The following TANGO6 variants were observed in gnomAD, a reference collection of about 807,000 sequenced individuals.
TANGO6 encodes transport and Golgi organization protein 6 homolog.
A neutral mutation model predicts 114.2 loss-of-function variants in TANGO6; 90 were observed. The ratio of observed to expected loss-of-function variants is 0.79; its 90% confidence interval spans 0.66 to 0.94. The LOEUF (loss-of-function observed/expected upper bound fraction) is 0.94, where lower values mean the gene tolerates loss of function less well. TANGO6 is among the 40% of genes least tolerant of loss of function. The pLI is 0.00. For synonymous variants in TANGO6, 477 were observed against 509.8 expected (o/e 0.94, Z 0.87); for missense variants, 1,274 against 1,315.3 (o/e 0.97, Z 0.49).
At chr16:68,874,346 C>T (rs1352661269) in intron 4 of TANGO6, among the ~76,000 whole-genome samples, 1 of 152,300 alleles carries the variant, frequency 6.6e-6, no homozygotes, top group East Asian at 1.9e-4. Flanking sequence ...CGAGGGCAGT[C>T]GTCAAGCTCA....
intron 15 of TANGO6, among the ~76,000 whole-genome samples, chr16:69,001,154 A>T (rs1201006035): frequency 6.6e-6 from 1 of 152,196 alleles, no homozygotes; most frequent in Non-Finnish European, 1.5e-5. Context: ...AGAGCCTAGG[A>T]TACAGGACAG....
intron 15 of TANGO6, among the ~76,000 whole-genome samples, chr16:69,011,341 T>C (rs1341478320): frequency 6.6e-6 from 1 of 152,194 alleles, no homozygotes; most frequent in Non-Finnish European, 1.5e-5. Context: ...AGTGGAATTC[T>C]TTTTCTTACT....
chr16:68,962,587 C>T (rs185046587), intron 14 of TANGO6, among the ~76,000 whole-genome samples: 3 of 152,164 alleles, frequency 2.0e-5, no homozygotes, highest in African/African-American at 7.2e-5. Flanking sequence ...CATGAAGAAA[C>T]CTTTTCTTTA....
chr16:68,857,590 G>T (rs1962018130), intron 1 of TANGO6, among the ~76,000 whole-genome samples: 1 of 152,102 alleles, frequency 6.6e-6, no homozygotes, highest in South Asian at 2.1e-4. Flanking sequence ...GTAAGAAACT[G>T]CCAAACTGTC....
At chr16:69,037,517 AG>A (rs1959708363) in intron 16 of TANGO6, among the ~76,000 whole-genome samples, 2 of 152,258 alleles carry the variant, frequency 1.3e-5, no homozygotes, top group Non-Finnish European at 2.9e-5. Context: ...AGAGGGACTC[AG>A]ACCTATCTCT....
chr16:68,943,646 T>G (rs970008655), intron 14 of TANGO6, among the ~76,000 whole-genome samples: 1 of 152,162 alleles, frequency 6.6e-6, no homozygotes, highest in African/African-American at 2.4e-5. Flanking sequence ...ATTACAGGCG[T>G]GAGCCACCGC....
intron 14 of TANGO6, among the ~76,000 whole-genome samples, chr16:68,959,054 A>T (rs1157385032): frequency 6.6e-6 from 1 of 152,232 alleles, no homozygotes; most frequent in African/African-American, 2.4e-5. Flanking sequence ...ATTAGGTTGG[A>T]TAACTCCCTG....
intron 17 of TANGO6, among the ~76,000 whole-genome samples, chr16:69,069,651 T>C (rs1316515952): frequency 6.6e-6 from 1 of 152,176 alleles, no homozygotes; most frequent in Non-Finnish European, 1.5e-5. Flanking sequence ...CCTCTGTTTT[T>C]GTCTTTGTGC....
intron 1 of TANGO6, among the ~76,000 whole-genome samples, chr16:68,852,702 A>G (rs1302475342): frequency 6.6e-6 from 1 of 152,044 alleles, no homozygotes; most frequent in Admixed American, 6.6e-5. Context: ...GTGGGGTGGT[A>G]TGCAACTGTG....
At position 68,843,722 on chromosome 16, in the gene TANGO6, G is replaced by A. The variant is rs375523510; in HGVS notation, c.94+11G>A. ...TGCTGAGCCCGGGAGGTGAGAGGAC[G>A]CATCTCCGCGCCGGGCTGGACCCGG... On this transcript the variant is annotated intron_variant, in intron 1 of 17. Coordinates refer to ENST00000261778, the MANE Select transcript of TANGO6 (RefSeq NM_024562.2). The A allele has an allele frequency of 4.5e-5, 72 of 1,612,282 alleles. No homozygotes were observed. Among genetic ancestry groups the A allele is most frequent in the Admixed American group, 1.0e-4 (6 of 59,970 alleles).
At chr16:69,004,207 A>G (rs1160601642) in intron 15 of TANGO6, among the ~76,000 whole-genome samples, 1 of 152,196 alleles carries the variant, frequency 6.6e-6, no homozygotes, top group African/African-American at 2.4e-5. Flanking sequence ...AATATATAAC[A>G]TAATAAATGT....
intron 1 of TANGO6, among the ~76,000 whole-genome samples, chr16:68,859,633 A>T (rs1962056275): frequency 6.6e-6 from 1 of 152,228 alleles, no homozygotes; most frequent in Non-Finnish European, 1.5e-5. Flanking sequence ...CATGTGGGGA[A>T]TAGAAACAAA....
At chr16:68,918,742 AT>A (rs1306347764) in intron 11 of TANGO6, among the ~76,000 whole-genome samples, 1 of 152,246 alleles carries the variant, frequency 6.6e-6, no homozygotes, top group Non-Finnish European at 1.5e-5. Context: ...ACTAAATGAG[AT>A]TGTACATGTG....
At chr16:69,043,167 A>G (rs1055336114) in intron 17 of TANGO6, among the ~76,000 whole-genome samples, 1 of 152,154 alleles carries the variant, frequency 6.6e-6, no homozygotes, top group African/African-American at 2.4e-5. Context: ...CGGAGGTTGC[A>G]GTGAGCCAAG....
intron 14 of TANGO6, among the ~76,000 whole-genome samples, chr16:68,961,401 C>G (rs1039157283): frequency 4.6e-5 from 7 of 152,232 alleles, no homozygotes; most frequent in Non-Finnish European, 8.8e-5. Context: ...ACCTCCGTTC[C>G]TCAACTCTTT....
At chr16:68,979,684 G>A (rs1220488376) in intron 15 of TANGO6, among the ~76,000 whole-genome samples, 2 of 152,008 alleles carry the variant, frequency 1.3e-5, no homozygotes, top group African/African-American at 2.4e-5. Context: ...ATAAAGGAAT[G>A]CTATCTTGTT....
At chr16:68,855,334 C>T (rs1279082300) in intron 1 of TANGO6, among the ~76,000 whole-genome samples, 1 of 152,094 alleles carries the variant, frequency 6.6e-6, no homozygotes, top group Non-Finnish European at 1.5e-5. Context: ...GTAATGCCAG[C>T]ACTTTGGGAG....
intron 4 of TANGO6, among the ~76,000 whole-genome samples, chr16:68,870,315 T>C (rs1567528102): frequency 6.6e-6 from 1 of 152,218 alleles, no homozygotes; most frequent in Non-Finnish European, 1.5e-5. Flanking sequence ...TCTGGCATAA[T>C]GTACCTTGGT....
chr16:68,981,204 C>CT (rs1963832655), intron 15 of TANGO6, among the ~76,000 whole-genome samples: 2 of 132,308 alleles, frequency 1.5e-5, no homozygotes, highest in Admixed American at 7.5e-5. Context: ...TTTCTTTTTT[C>CT]TTTTCCTTTT....
Sources: gnomAD v4.1 joint callset for allele counts (sites outside exome capture counted in the v4.1 genomes callset) on GRCh38, gnomAD v4.1.1 for gene constraint, MANE v1.5 for transcripts, NCBI Gene and HGNC (gene_info 2026-07-23, HGNC 2026-07-21) for gene names.